The following NACC2 variants were observed in gnomAD, a reference collection of about 807,000 sequenced individuals.
The protein encoded by NACC2 is nucleus accumbens-associated protein 2.
In NACC2, 8 loss-of-function variants were observed where a neutral mutation model predicts 25.1. The ratio of observed to expected loss-of-function variants is 0.32; its 90% CI spans 0.19 to 0.57. NACC2 has a LOEUF of 0.57. Ranked by LOEUF, NACC2 falls within the 20% of genes least tolerant of loss-of-function variation. The pLI is 0.89. For synonymous variants in NACC2, 435 were observed against 294.7 expected (o/e 1.48, Z -4.88); for missense variants, 644 against 650.2 (o/e 0.99, Z 0.10).
chr9:136,050,108 G>A lies in NACC2; in HGVS notation c.414C>T (p.Ala138=), dbSNP rs1840797291. ...CDSQTAVIED[A]GSEPQSPCNQ... ...TGCAGGGGCTCTGGGGCTCGGAGCC[G>A]GCGTCCTCGATCACAGCGGTCTGCG... The change falls in exon 2 of 6, where the codon GCC becomes GCT. Residue 138 remains alanine, a synonymous_variant. Transcript: ENST00000277554. 9.3e-6 allele frequency: 7 copies of A among 754,122 alleles called. No homozygotes were observed. Among genetic ancestry groups the A allele is most frequent in the East Asian group, 4.9e-5 (2 of 40,610 alleles). The allele number at this position is 754,122 out of a possible 1,614,324, so 46.7% of individuals were successfully genotyped here.
intron 2 of NACC2, among the ~76,000 whole-genome samples, chr9:136,034,997 G>C (rs1430714501): frequency 6.6e-6 from 1 of 152,152 alleles, no homozygotes; most frequent in Non-Finnish European, 1.5e-5. Flanking sequence ...GGGAGGCTGA[G>C]GCAGGAGAAT....
At chr9:136,067,091 C>G (rs1841093795) in intron 1 of NACC2, among the ~76,000 whole-genome samples, 1 of 151,960 alleles carries the variant, frequency 6.6e-6, no homozygotes, top group Non-Finnish European at 1.5e-5. Flanking sequence ...CCCGTCTCTA[C>G]TAAAAATACA....
At chr9:136,077,494 G>A (rs928954778) in intron 1 of NACC2, among the ~76,000 whole-genome samples, 1 of 152,206 alleles carries the variant, frequency 6.6e-6, no homozygotes. Context: ...AAAACAAGCC[G>A]AGAAGGACAG....
rs1475325298 is a variant in NACC2 at position 136,019,077 on chromosome 9, G to A, written c.887-2648C>T. ...GCCTTGCCGTGCACCGGGTGCTGCTGGCTAAAAACACCCCGCCCCGAGTGG... is the reference window on the plus strand; with the variant it reads ...GCCTTGCCGTGCACCGGGTGCTGCTAGCTAAAAACACCCCGCCCCGAGTGG... On this transcript the variant is annotated intron_variant, in intron 2 of 5. Transcript: ENST00000277554. The surrounding 1 kb of genome is among the most constrained non-coding windows in gnomAD (Gnocchi z 5.2). 6.6e-6 allele frequency: 1 copy of A among 152,172 alleles called. No individual in the cohort carries two copies. Among genetic ancestry groups the A allele is most frequent in the African/African-American group, 2.4e-5 (1 of 41,430 alleles). The allele number at this position is 152,172 out of a possible 1,614,324, so 9.4% of individuals were successfully genotyped here.
At chr9:136,050,631 C>A (rs977467596) in intron 1 of NACC2, 51 bp from the exon 2 acceptor site, 2 of 680,640 alleles carry the variant, frequency 2.9e-6, no homozygotes, top group Admixed American at 2.1e-5. Context: ...ACGGGCTCCC[C>A]GCTCAAGGGG....
intron 2 of NACC2, among the ~76,000 whole-genome samples, chr9:136,036,419 A>C (rs955320818): frequency 0.063 from 9,653 of 152,316 alleles, 499 homozygotes; most frequent in East Asian, 0.2. Flanking sequence ...CAGTAAACAG[A>C]AACAGACCAA....
intron 1 of NACC2, among the ~76,000 whole-genome samples, chr9:136,070,094 AGT>A (rs1159630746): frequency 6.6e-6 from 1 of 151,948 alleles, no homozygotes; most frequent in Non-Finnish European, 1.5e-5. Flanking sequence ...AAAATTACAC[AGT>A]GTGTTCTCTA....
At chr9:136,025,075 GGA>G (rs1321539360) in intron 2 of NACC2, among the ~76,000 whole-genome samples, 3 of 152,264 alleles carry the variant, frequency 2.0e-5, no homozygotes, top group Non-Finnish European at 2.9e-5. Flanking sequence ...CTCGTGTATT[GGA>G]GAGATGAAAA....
At chr9:136,045,025 C>T (rs945495001) in intron 2 of NACC2, among the ~76,000 whole-genome samples, 7 of 152,226 alleles carry the variant, frequency 4.6e-5, no homozygotes, top group Admixed American at 2.0e-4. Flanking sequence ...CTGTGTGCCA[C>T]GACCCACACC....
In NACC2 at chr9:136,010,929, T is replaced by C. The variant is rs11103272; in HGVS notation, c.*587A>G. Reference sequence around the variant, plus strand: ...CATCACTGCCCCCTCACCACACCCCTGCACACACACGCACACACACACACT... The same window carrying C: ...CATCACTGCCCCCTCACCACACCCCCGCACACACACGCACACACACACACT... On this transcript the variant is annotated 3_prime_UTR_variant, in exon 6 of 6. Coordinates refer to ENST00000277554, the MANE Select transcript of NACC2 (RefSeq NM_144653.5). This position sits in a 1 kb window ranked among gnomAD's most constrained non-coding sequence, Gnocchi z 4.9. 0.26 allele frequency: 39,781 copies of C among 152,274 alleles called. 6,003 individuals are homozygous for C. The highest frequency in any genetic ancestry group is 0.34 in the Non-Finnish European group (23,497 of 68,134). 9.4% of individuals were successfully genotyped at this position (152,274 alleles called of 1,614,324 possible).
intron 2 of NACC2, among the ~76,000 whole-genome samples, chr9:136,021,657 C>T (rs779075499): frequency 5.3e-5 from 8 of 152,178 alleles, no homozygotes; most frequent in Non-Finnish European, 1.0e-4. Flanking sequence ...CACAGGAACG[C>T]TTATCCCGTC....
At position 136,013,199 on chromosome 9, in the gene NACC2, A is replaced by C. The variant is rs746067177; in HGVS notation, c.1255T>G (p.Leu419Val). The C allele has an allele frequency of 3.1e-5, 50 of 1,594,720 alleles. No individual in the cohort carries two copies. The highest frequency in any genetic ancestry group is 4.0e-5 in the Non-Finnish European group (47 of 1,172,336). ...LDSRVLNAVK[L>V]YCQNFAPSFK... ...ACCCGAGAGACCCCCAGGCTCTTAC[A>C]TTTCACAGCGTTCAGGACCCGGCTG... Residue 419 changes from leucine to valine, a missense_variant and splice_region_variant, in exon 5 of 6, where the codon TTG (leucine) becomes GTG (valine). Transcript: ENST00000277554. The surrounding 1 kb of genome is among the most constrained non-coding windows in gnomAD (Gnocchi z 6.6).
chr9:136,024,332 G>T (rs1169710493), intron 2 of NACC2, among the ~76,000 whole-genome samples: 1 of 148,652 alleles, frequency 6.7e-6, no homozygotes, highest in Non-Finnish European at 1.5e-5. Flanking sequence ...GACAGAGTGT[G>T]TGTGTGTGAG....
At chr9:136,047,234 C>G (rs1454596435) in intron 2 of NACC2, among the ~76,000 whole-genome samples, 3 of 152,208 alleles carry the variant, frequency 2.0e-5, no homozygotes, top group Non-Finnish European at 4.4e-5. Context: ...GCACGGGGAG[C>G]TAGCACCCAG....
At chr9:136,094,340 G>T (rs1188963263) in intron 1 of NACC2, among the ~76,000 whole-genome samples, 1 of 152,192 alleles carries the variant, frequency 6.6e-6, no homozygotes, top group Non-Finnish European at 1.5e-5. Flanking sequence ...GCTCCACGAC[G>T]AGAGTCCAAG....
chr9:136,066,305 TAA>T (rs1841080507), intron 1 of NACC2, among the ~76,000 whole-genome samples: 1 of 151,036 alleles, frequency 6.6e-6, no homozygotes, highest in African/African-American at 2.4e-5. Flanking sequence ...AACTCAACAA[TAA>T]AAAGACAAAT....
chr9:136,013,393 G>T lies in NACC2; in HGVS notation c.1158-97C>A. On this transcript the variant is annotated intron_variant, in intron 4 of 5. Coordinates refer to ENST00000277554, the MANE Select transcript of NACC2 (RefSeq NM_144653.5). The surrounding 1 kb of genome is among the most constrained non-coding windows in gnomAD (Gnocchi z 6.6). ...CGAATGCCCTGCTGGGAGGCCACTT[G>T]GCCTCACCCTTGGCTGGTCTGCGTG... 3.6e-6 allele frequency: 4 copies of T among 1,119,858 alleles called. No individual in the cohort carries two copies. Among genetic ancestry groups the T allele is most frequent in the Non-Finnish European group, 3.9e-6 (3 of 763,138 alleles). 69.4% of individuals were successfully genotyped at this position (1,119,858 alleles called of 1,614,324 possible).
chr9:136,012,169 A>G, intron 5 of NACC2, 145 bp from the exon 6 acceptor site: 1 of 1,044,480 alleles, frequency 9.6e-7, no homozygotes, highest in Non-Finnish European at 1.3e-6. Flanking sequence ...TCCTGGCCTC[A>G]GCCAGAAGAC....
At chr9:136,080,501 G>T (rs1830309894) in intron 1 of NACC2, among the ~76,000 whole-genome samples, 1 of 152,178 alleles carries the variant, frequency 6.6e-6, no homozygotes, top group Non-Finnish European at 1.5e-5. Context: ...CAACCTGGGA[G>T]GCAGAGGTTG....
Sources: gnomAD v4.1 joint callset for allele counts (sites outside exome capture counted in the v4.1 genomes callset) on GRCh38, gnomAD v4.1.1 for gene constraint, Gnocchi (gnomAD v3.1) non-coding constraint, MANE v1.5 for transcripts, NCBI Gene and HGNC (gene_info 2026-07-23, HGNC 2026-07-21) for gene names.